The following SORD variants were observed in gnomAD, a reference collection of about 807,000 sequenced individuals.
SORD encodes (R,R)-butanediol dehydrogenase.
In SORD, 18 loss-of-function variants were observed where a neutral mutation model predicts 35.6. The observed-to-expected ratio is 0.51, with a 90% CI of 0.35 to 0.75. The LOEUF (loss-of-function observed/expected upper bound fraction) is 0.75. Among genes scored for constraint, SORD ranks in the 30% least tolerant of loss-of-function variants. The pLI, the probability that SORD is intolerant of heterozygous loss-of-function variation, is 0.01. For missense variants in SORD, 250 were observed against 390.2 expected (o/e 0.64, Z 3.03); for synonymous variants, 106 against 152.9 (o/e 0.69, Z 2.26).
intron 4 of SORD, among the ~76,000 whole-genome samples, chr15:45,063,261 T>C (rs1368223139): frequency 2.0e-5 from 3 of 152,072 alleles, no homozygotes; most frequent in African/African-American, 7.3e-5. Flanking sequence ...TGTATCTATT[T>C]TCTTTCTATT....
At chr15:45,055,170 C>T (rs1893195665) in intron 3 of SORD, among the ~76,000 whole-genome samples, 1 of 151,986 alleles carries the variant, frequency 6.6e-6, no homozygotes, top group African/African-American at 2.4e-5. Context: ...TAGTTTTTTC[C>T]AATTCTGTAA....
chr15:45,053,425 A>G (rs888940232), intron 3 of SORD, among the ~76,000 whole-genome samples: 2 of 152,204 alleles, frequency 1.3e-5, no homozygotes, highest in African/African-American at 4.8e-5. Context: ...ACTGAGAGAC[A>G]ACTTGACGTT....
intron 1 of SORD, among the ~76,000 whole-genome samples, chr15:45,039,514 C>G (rs1219650238): frequency 6.6e-6 from 1 of 152,210 alleles, no homozygotes; most frequent in Non-Finnish European, 1.5e-5. Context: ...TAGGACTTTC[C>G]TAGCCCGTTG....
At chr15:45,051,163 C>T (rs1360162533) in intron 3 of SORD, among the ~76,000 whole-genome samples, 5 of 152,056 alleles carry the variant, frequency 3.3e-5, no homozygotes, top group Admixed American at 3.3e-4. Context: ...AGGGTAGCTA[C>T]AGTTAAAAAC....
chr15:45,035,575 G>T (rs1385383574), intron 1 of SORD, among the ~76,000 whole-genome samples: 1 of 152,140 alleles, frequency 6.6e-6, no homozygotes, highest in Non-Finnish European at 1.5e-5. Flanking sequence ...TGTGAGTGGG[G>T]CCAGATAAGA....
chr15:45,069,207 T>TC (rs1392777472), intron 7 of SORD, among the ~76,000 whole-genome samples, 155 bp downstream of exon 7: 67 of 126,326 alleles, frequency 5.3e-4, no homozygotes, highest in African/African-American at 1.9e-3. Flanking sequence ...TTTTTTTTTT[T>TC]TTTTTTTTTT....
At chr15:45,068,137 T>C (rs1893436792) in intron 5 of SORD, 44 bp from the exon 6 acceptor site, 1 of 1,448,972 alleles carries the variant, frequency 6.9e-7, no homozygotes, top group South Asian at 1.1e-5. Flanking sequence ...GGAGAGCAGA[T>C]GTTTAATATT....
In SORD at chr15:45,065,333, A is replaced by T; in HGVS notation, c.488A>T (p.His163Leu). 6.2e-7 allele frequency: 1 copy of T among 1,613,966 alleles called. No homozygotes were observed. Among genetic ancestry groups the T allele is most frequent in the Non-Finnish European group, 8.5e-7 (1 of 1,179,874 alleles). ...ATCGAGCCACTTTCTGTGGGGATCCATGCCTGCAGGAGAGGCGGAGTTACC... is the reference window on the plus strand; with the variant it reads ...ATCGAGCCACTTTCTGTGGGGATCCTTGCCTGCAGGAGAGGCGGAGTTACC... ...ALIEPLSVGI[H>L]ACRRGGVTLG... Residue 163 changes from histidine (H) to leucine (L), a missense_variant, in exon 5 of 9, where the codon CAT becomes CTT. His to Leu is a moderately conservative substitution (Grantham distance 99). Coordinates refer to ENST00000267814, the MANE Select transcript of SORD (RefSeq NM_003104.6).
chr15:45,053,234 T>C (rs939001129), intron 3 of SORD, among the ~76,000 whole-genome samples: 3 of 152,144 alleles, frequency 2.0e-5, no homozygotes, highest in African/African-American at 7.2e-5. Flanking sequence ...AAAAAGGAAA[T>C]ACATCCAACA....
At chr15:45,035,572 G>T (rs2141266186) in intron 1 of SORD, among the ~76,000 whole-genome samples, 1 of 152,230 alleles carries the variant, frequency 6.6e-6, no homozygotes, top group South Asian at 2.1e-4. Flanking sequence ...GGATGTGAGT[G>T]GGGCCAGATA....
At chr15:45,042,309 T>A (rs748043794) in intron 2 of SORD, 3 of 151,838 alleles carry the variant, frequency 2.0e-5, no homozygotes, top group Non-Finnish European at 4.4e-5. Context: ...CTGGCCAACA[T>A]GGTGAAACCC....
intron 4 of SORD, among the ~76,000 whole-genome samples, chr15:45,061,577 A>C (rs549508041): frequency 1.6e-4 from 24 of 151,790 alleles, no homozygotes; most frequent in African/African-American, 5.5e-4. Flanking sequence ...TCATAACAAC[A>C]ATGACCTCGG....
chr15:45,065,466 T>G, intron 5 of SORD, 77 bp downstream of exon 5: 1 of 1,519,164 alleles, frequency 6.6e-7, no homozygotes, highest in Non-Finnish European at 8.8e-7. Flanking sequence ...TCATTCCCCC[T>G]CCAAGGCTTG....
At chr15:45,054,558 C>T (rs1308072081) in intron 3 of SORD, among the ~76,000 whole-genome samples, 9 of 152,222 alleles carry the variant, frequency 5.9e-5, no homozygotes, top group East Asian at 1.9e-4. Flanking sequence ...CTTTGTCAGA[C>T]GAGTAGGTTG....
chr15:45,051,128 A>G (rs1452246849), intron 3 of SORD, among the ~76,000 whole-genome samples: 8 of 152,194 alleles, frequency 5.3e-5, no homozygotes, highest in Admixed American at 2.6e-4. Context: ...CAAGACAACA[A>G]TTGTCTGTGA....
At chr15:45,039,088 G>C (rs762325647) in intron 1 of SORD, among the ~76,000 whole-genome samples, 9 of 151,804 alleles carry the variant, frequency 5.9e-5, no homozygotes, top group Admixed American at 1.3e-4. Context: ...CCACCCCACT[G>C]TCTGGCACAT....
intron 5 of SORD, 21 bp downstream of exon 5, chr15:45,065,410 T>G: frequency 6.3e-7 from 1 of 1,581,396 alleles, no homozygotes; most frequent in South Asian, 1.2e-5. Flanking sequence ...GAAGCCACCC[T>G]GTTGCGGGTT....
chr15:45,047,059 TATAAGTCAATA>T (rs935108346), intron 3 of SORD: 1 of 151,562 alleles, frequency 6.6e-6, no homozygotes, highest in Non-Finnish European at 1.5e-5. Context: ...CATACATACA[TATAAGTCAATA>T]ACTCTAAGGC....
intron 4 of SORD, among the ~76,000 whole-genome samples, chr15:45,061,557 A>G (rs1025871979): frequency 1.3e-5 from 2 of 152,054 alleles, no homozygotes; most frequent in Non-Finnish European, 2.9e-5. Context: ...CACTGCAACC[A>G]CCAGAAACGT....
Sources: allele counts gnomAD v4.1 joint callset (sites outside exome capture counted in the v4.1 genomes callset), GRCh38; gene constraint gnomAD v4.1.1; transcripts MANE v1.5; gene names NCBI Gene and HGNC (gene_info 2026-07-23, HGNC 2026-07-21).